MAGI2: variants seen among roughly 807,000 people sequenced by gnomAD.
MAGI2 encodes membrane associated guanylate kinase, WW and PDZ domain containing 2.
A neutral mutation model predicts 133.3 loss-of-function variants in MAGI2; 35 were observed. That is an observed-to-expected ratio of 0.26 (90% confidence interval 0.20 to 0.35). The LOEUF (loss-of-function observed/expected upper bound fraction) is 0.35, where lower values mean the gene tolerates loss of function less well. MAGI2 is among the 10% of genes least tolerant of loss of function. The probability of loss-of-function intolerance (pLI) is 1.00; values close to 1 mark genes in which losing one functional copy is unlikely to be tolerated. For missense variants in MAGI2, 1,636 were observed against 1,863.4 expected (o/e 0.88, Z 2.25); for synonymous variants, 729 against 710.6 (o/e 1.03, Z -0.41).
intron 10 of MAGI2, among the ~76,000 whole-genome samples, chr7:78,246,488 C>G (rs1261048573): frequency 6.6e-6 from 1 of 152,140 alleles, no homozygotes; most frequent in Non-Finnish European, 1.5e-5. Context: ...CCCTGGCCCG[C>G]ACGCAAAACA....
At chr7:78,100,386 C>G (rs951796166) in intron 20 of MAGI2, among the ~76,000 whole-genome samples, 3 of 151,744 alleles carry the variant, frequency 2.0e-5, no homozygotes, top group African/African-American at 7.3e-5. Context: ...GGAACTCACT[C>G]TGTCACCCAG....
chr7:78,404,628 G>A (rs1797210794), intron 6 of MAGI2, among the ~76,000 whole-genome samples: 1 of 152,130 alleles, frequency 6.6e-6, no homozygotes, highest in African/African-American at 2.4e-5. Context: ...ATAGAAAGCT[G>A]AAACTGGATC....
chr7:78,750,186 A>C (rs1207883), intron 2 of MAGI2, among the ~76,000 whole-genome samples: 145,612 of 152,274 alleles, frequency 0.96, 69,642 homozygotes, highest in East Asian at 1. Context: ...CCAGCTTCAT[A>C]TATGTCCTGG....
At chr7:78,796,233 C>T (rs1583922732) in intron 2 of MAGI2, among the ~76,000 whole-genome samples, 3 of 152,128 alleles carry the variant, frequency 2.0e-5, no homozygotes, top group East Asian at 3.9e-4. Flanking sequence ...GCAAAGTATG[C>T]ATCTAACAAG....
chr7:78,572,586 A>AC (rs988317748), intron 3 of MAGI2, among the ~76,000 whole-genome samples: 1 of 151,772 alleles, frequency 6.6e-6, no homozygotes, highest in Admixed American at 6.6e-5. Context: ...TCCCTTACCT[A>AC]CCCCCCAGAT....
chr7:78,583,739 C>A (rs1309585746), intron 3 of MAGI2, among the ~76,000 whole-genome samples: 1 of 152,012 alleles, frequency 6.6e-6, no homozygotes, highest in South Asian at 2.1e-4. Flanking sequence ...AAATGAAGAC[C>A]TGTTGCTTGA....
chr7:79,391,745 C>T (rs1472648048), intron 1 of MAGI2, among the ~76,000 whole-genome samples: 1 of 151,608 alleles, frequency 6.6e-6, no homozygotes, highest in Non-Finnish European at 1.5e-5. Flanking sequence ...GCTGGAGTGG[C>T]GCGATCTCGG....
At chr7:78,073,215 C>A (rs1814899742) in intron 21 of MAGI2, among the ~76,000 whole-genome samples, 1 of 152,042 alleles carries the variant, frequency 6.6e-6, no homozygotes, top group South Asian at 2.1e-4. Flanking sequence ...TTTCATTTAC[C>A]AAGTGCTTGT....
At chr7:78,037,030 A>G (rs528010754) in intron 21 of MAGI2, among the ~76,000 whole-genome samples, 1 of 152,296 alleles carries the variant, frequency 6.6e-6, no homozygotes, top group South Asian at 2.1e-4. Flanking sequence ...ATAGCCCTAG[A>G]GAAGGATGAA....
At chr7:78,099,092 T>C (rs780586502) in intron 20 of MAGI2, among the ~76,000 whole-genome samples, 1 of 152,292 alleles carries the variant, frequency 6.6e-6, no homozygotes, top group South Asian at 2.1e-4. Flanking sequence ...GAACAATACC[T>C]ATGCTTTATC....
Position 78,415,747 on chromosome 7 carries a change from G to T in MAGI2, c.1046-46534C>A, listed in dbSNP as rs146624789. 5.3e-3 allele frequency among the ~76,000 whole-genome samples: 803 copies of T among 152,218 alleles called. 3 individuals carry two copies. Among genetic ancestry groups the T allele is most frequent in the Non-Finnish European group, 8.6e-3 (585 of 68,014 alleles). On this transcript the variant is annotated intron_variant, in intron 6 of 21. Coordinates refer to ENST00000354212, the MANE Select transcript of MAGI2 (RefSeq NM_012301.4). ...TGGTAATAGAGTAGATGGGGTTGGA[G>T]CCTATGAAGAAGTGGCGTCTTTTAA...
At chr7:78,805,960 T>C (rs151167122) in intron 2 of MAGI2, among the ~76,000 whole-genome samples, 1,945 of 152,242 alleles carry the variant, frequency 0.013, 24 homozygotes, top group Middle Eastern at 0.02. Context: ...ACTGTGGAAT[T>C]TGTAGCAAAG....
chr7:78,537,158 A>C (rs1005201430), intron 3 of MAGI2, among the ~76,000 whole-genome samples: 1 of 144,956 alleles, frequency 6.9e-6, no homozygotes, highest in Admixed American at 7.2e-5. Flanking sequence ...TTATGGCTGA[A>C]TAGTATTCCA....
chr7:78,440,912 C>G (rs1787557597), intron 6 of MAGI2, among the ~76,000 whole-genome samples: 3 of 152,156 alleles, frequency 2.0e-5, no homozygotes, highest in South Asian at 4.1e-4. Flanking sequence ...GAGATCGCAC[C>G]ACTGCACTCC....
intron 2 of MAGI2, among the ~76,000 whole-genome samples, chr7:78,919,373 T>C (rs1563663415): frequency 6.6e-6 from 1 of 152,026 alleles, no homozygotes; most frequent in Non-Finnish European, 1.5e-5. Context: ...TTAAAAGAAA[T>C]AGATTATATA....
At chr7:78,895,835 GGT>G (rs1323336540) in intron 2 of MAGI2, among the ~76,000 whole-genome samples, 1 of 151,968 alleles carries the variant, frequency 6.6e-6, no homozygotes, top group Non-Finnish European at 1.5e-5. Context: ...GAGGAAAAAG[GGT>G]GTTCAAAGTT....
At chr7:79,204,789 A>G (rs1448487623) in intron 1 of MAGI2, among the ~76,000 whole-genome samples, 5 of 152,038 alleles carry the variant, frequency 3.3e-5, no homozygotes, top group African/African-American at 1.2e-4. Context: ...TAAAAAATAA[A>G]ATAAATAGAA....
At chr7:78,877,726 G>T (rs1286250107) in intron 2 of MAGI2, among the ~76,000 whole-genome samples, 1 of 152,094 alleles carries the variant, frequency 6.6e-6, no homozygotes, top group East Asian at 1.9e-4. Flanking sequence ...GTAATAATTA[G>T]ATCTTTCCCA....
At chr7:79,158,686 T>C (rs1326811594) in intron 1 of MAGI2, among the ~76,000 whole-genome samples, 1 of 152,060 alleles carries the variant, frequency 6.6e-6, no homozygotes. Context: ...ACCATAAGTT[T>C]TATTACTTAA....
Sources: gnomAD v4.1 joint callset for allele counts (sites outside exome capture counted in the v4.1 genomes callset) on GRCh38, gnomAD v4.1.1 for gene constraint, MANE v1.5 for transcripts, NCBI Gene and HGNC (gene_info 2026-07-23, HGNC 2026-07-21) for gene names.